HMBOX1: variants seen among roughly 807,000 people sequenced by gnomAD.
HMBOX1 encodes homeobox containing 1.
Under a neutral mutation model 54.5 loss-of-function variants are expected in HMBOX1, and 14 were observed. That is an observed-to-expected ratio of 0.26 (90% CI 0.17 to 0.40). The LOEUF (loss-of-function observed/expected upper bound fraction) is 0.40. HMBOX1 is among the 10% of genes least tolerant of loss of function. The pLI is 1.00. For missense variants in HMBOX1, 332 were observed against 514.4 expected, an observed-to-expected ratio of 0.65 and a Z score of 3.43; for synonymous variants, 160 against 181.0, an observed-to-expected ratio of 0.88 and a Z score of 0.93.
intron 4 of HMBOX1, among the ~76,000 whole-genome samples, chr8:28,999,433 C>G (rs1586381758): frequency 6.6e-6 from 1 of 152,228 alleles, no homozygotes; most frequent in East Asian, 1.9e-4. Context: ...TGTTTTTCAT[C>G]AAATTTGGGA....
intron 1 of HMBOX1, among the ~76,000 whole-genome samples, chr8:28,914,455 A>T (rs1816129542): frequency 6.6e-6 from 1 of 152,252 alleles, no homozygotes; most frequent in African/African-American, 2.4e-5. Flanking sequence ...CACTTAAAAA[A>T]ATCGCCTCAT....
chr8:29,032,862 G>A (rs193299426), intron 6 of HMBOX1, among the ~76,000 whole-genome samples: 1 of 152,086 alleles, frequency 6.6e-6, no homozygotes, highest in East Asian at 1.9e-4. Flanking sequence ...TGGGAGATAC[G>A]GTAGTGCAGT....
At chr8:28,928,255 C>T (rs1818897564) in intron 1 of HMBOX1, among the ~76,000 whole-genome samples, 2 of 152,210 alleles carry the variant, frequency 1.3e-5, no homozygotes, top group Non-Finnish European at 1.5e-5. Flanking sequence ...AAGAAAATAC[C>T]TCTTGAGCTA....
intron 1 of HMBOX1, among the ~76,000 whole-genome samples, chr8:28,923,538 C>A (rs1817897670): frequency 6.6e-6 from 1 of 152,110 alleles, no homozygotes; most frequent in Non-Finnish European, 1.5e-5. Context: ...TCATTTGTCC[C>A]TAAGCAATAC....
At position 29,005,239 on chromosome 8, in the gene HMBOX1, T is replaced by C. The variant is rs532533427; in HGVS notation, c.587-3833T>C. On this transcript the variant is annotated intron_variant, in intron 4 of 9. Coordinates refer to ENST00000287701, the MANE Select transcript of HMBOX1 (RefSeq NM_001135726.3). ...AGAATTGGAGGGGGAAGACAGAAAT[T>C]CTTTGCAACTATTTGCTTGTAAAAT... Among the ~76,000 whole-genome samples, 21 of 152,284 alleles carry C rather than the reference T, an allele frequency of 1.4e-4. No homozygotes were observed. The South Asian group carries it at 2.7e-3, about 20-fold the overall frequency.
chr8:29,033,964 A>G (rs1803429138), intron 6 of HMBOX1, among the ~76,000 whole-genome samples: 1 of 152,202 alleles, frequency 6.6e-6, no homozygotes, highest in Non-Finnish European at 1.5e-5. Context: ...AACTCAAGCA[A>G]ATATTTATTG....
At chr8:28,980,036 C>T (rs1479565897) in intron 3 of HMBOX1, 35 bp from the exon 4 acceptor site, 1 of 1,440,440 alleles carries the variant, frequency 6.9e-7, no homozygotes, top group Non-Finnish European at 9.8e-7. Flanking sequence ...CTACCTTCAA[C>T]ATACATTGTT....
chr8:29,000,343 C>T (rs766539294), intron 4 of HMBOX1, among the ~76,000 whole-genome samples: 21 of 152,190 alleles, frequency 1.4e-4, no homozygotes, highest in South Asian at 4.1e-4. Context: ...CGAGCCTTCA[C>T]GGGTCTTTCC....
intron 8 of HMBOX1, 108 bp downstream of exon 8, chr8:29,047,561 TCTC>T: frequency 1.9e-6 from 1 of 524,582 alleles, no homozygotes; most frequent in South Asian, 2.5e-5. Context: ...GATCCTAACT[TCTC>T]TTTTTTTTTT....
intron 1 of HMBOX1, among the ~76,000 whole-genome samples, chr8:28,958,896 TGA>T (rs1238688200): frequency 1.5e-4 from 23 of 152,200 alleles, no homozygotes; most frequent in African/African-American, 5.3e-4. Context: ...TTAAATTGGT[TGA>T]TATATTGGAT....
In HMBOX1 at chr8:29,047,371, A is replaced by C. The variant is rs750551835; in HGVS notation, c.948A>C (p.Ser316=). The change falls in exon 8 of 10, where the codon TCA becomes TCC. Residue 316 remains serine, a synonymous_variant. Transcript: ENST00000287701. ...ATGTATTCACAGGCAAAAAGCTGTC[A>C]GATCTGGAAAGAGTTACCTCCCTGA... ...AVIQKPGKKL[S]DLERVTSLKV... 1 of 1,604,864 alleles carries C rather than the reference A, an allele frequency of 6.2e-7. No homozygotes were observed. The highest frequency in any genetic ancestry group is 2.2e-5 in the East Asian group (1 of 44,816).
At chr8:29,041,423 T>C (rs1253644104) in intron 6 of HMBOX1, among the ~76,000 whole-genome samples, 4 of 152,194 alleles carry the variant, frequency 2.6e-5, no homozygotes, top group Non-Finnish European at 5.9e-5. Context: ...GGTGCCTTTG[T>C]CTATCATTAT....
At chr8:28,918,787 A>T (rs1817033652) in intron 1 of HMBOX1, among the ~76,000 whole-genome samples, 1 of 152,202 alleles carries the variant, frequency 6.6e-6, no homozygotes, top group South Asian at 2.1e-4. Flanking sequence ...CACTGTCATC[A>T]ATAACATAGT....
chr8:28,951,221 C>G (rs947043998), intron 1 of HMBOX1, among the ~76,000 whole-genome samples: 35 of 152,236 alleles, frequency 2.3e-4, no homozygotes, highest in African/African-American at 7.7e-4. Flanking sequence ...CACCCTCCAC[C>G]TCCTGGGTTC....
At chr8:28,918,299 G>A (rs1373168203) in intron 1 of HMBOX1, among the ~76,000 whole-genome samples, 2 of 152,164 alleles carry the variant, frequency 1.3e-5, no homozygotes, top group Non-Finnish European at 2.9e-5. Context: ...TGCCTCCCAG[G>A]TTCAAGAGAT....
intron 1 of HMBOX1, chr8:28,891,876 G>C (rs1230827923): frequency 6.6e-6 from 1 of 152,106 alleles, no homozygotes; most frequent in African/African-American, 2.4e-5. Context: ...TTTTATTTAC[G>C]CTGAAGCTTA....
intron 1 of HMBOX1, among the ~76,000 whole-genome samples, chr8:28,959,063 A>T (rs1825000714): frequency 6.6e-6 from 1 of 152,188 alleles, no homozygotes; most frequent in African/African-American, 2.4e-5. Context: ...TACTATGCAC[A>T]GATTTCATTT....
chr8:28,960,753 C>CTTTTTTTTTTTTTTGTTTTTT (rs1023356056), intron 1 of HMBOX1, among the ~76,000 whole-genome samples: 2 of 65,658 alleles, frequency 3.0e-5, no homozygotes, highest in Non-Finnish European at 5.9e-5. Flanking sequence ...TTCTCTTTTT[C>CTTTTTTTTTTTTTTGTTTTTT]TTTTTCTTTT....
chr8:29,051,336 G>T lies in HMBOX1; in HGVS notation c.*181G>T. On this transcript the variant is annotated 3_prime_UTR_variant, in exon 10 of 10. Transcript: ENST00000287701. ...CTCAGCCTTTGCATATACTCTCTCA[G>T]TATTAACTCCCAGTAAATAATAACC... 1 of 657,126 alleles carries T rather than the reference G, an allele frequency of 1.5e-6. No individual in the cohort carries two copies. 40.7% of individuals were successfully genotyped at this position (657,126 alleles called of 1,614,324 possible). A position where few individuals can be genotyped will look rare whatever the true frequency, so the allele number is the denominator to read the frequency against.
Sources: gnomAD v4.1 joint callset for allele counts (sites outside exome capture counted in the v4.1 genomes callset) on GRCh38, gnomAD v4.1.1 for gene constraint, MANE v1.5 for transcripts, NCBI Gene and HGNC (gene_info 2026-07-23, HGNC 2026-07-21) for gene names.